PDIA6: variants seen among roughly 807,000 people sequenced by gnomAD.
PDIA6 encodes the protein protein disulfide-isomerase A6.
In PDIA6, 29 loss-of-function variants were observed where a neutral mutation model predicts 58.4. That is an observed-to-expected ratio of 0.50 (90% CI 0.37 to 0.68). The LOEUF (loss-of-function observed/expected upper bound fraction) is 0.68. Ranked by LOEUF, PDIA6 falls within the 30% of genes least tolerant of loss-of-function variation. PDIA6 has a pLI of 0.00. For synonymous variants in PDIA6, 192 were observed against 202.6 expected (o/e 0.95, Z 0.44); for missense variants, 480 against 551.0 (o/e 0.87, Z 1.29).
intron 10 of PDIA6, among the ~76,000 whole-genome samples, chr2:10,788,383 G>A (rs1348087631): frequency 6.6e-6 from 1 of 151,968 alleles, no homozygotes. Context: ...GGCCGGGTGC[G>A]GTGGCTTACA....
chr2:10,812,235 A>C (rs551998433), intron 1 of PDIA6, among the ~76,000 whole-genome samples: 16 of 152,160 alleles, frequency 1.1e-4, no homozygotes, highest in Non-Finnish European at 2.1e-4. Context: ...TAAAAGTAGG[A>C]GCTGCATAAA....
chr2:10,834,366 G>T (rs978114741), upstream of PDIA6, among the ~76,000 whole-genome samples: 1 of 152,224 alleles, frequency 6.6e-6, no homozygotes, highest in Non-Finnish European at 1.5e-5. Flanking sequence ...TTCTGGACAC[G>T]TGTGCCCTTC....
At chr2:10,797,843 T>C (rs1666335415) in intron 2 of PDIA6, 86 bp from the exon 3 acceptor site, 1 of 1,060,660 alleles carries the variant, frequency 9.4e-7, no homozygotes. Context: ...AAAAACCCCA[T>C]CAATGGTCTA....
At chr2:10,835,155 T>C (rs377060094), upstream of PDIA6, among the ~76,000 whole-genome samples, 47 of 152,216 alleles carry the variant, frequency 3.1e-4, 2 homozygotes, top group South Asian at 8.3e-3. Context: ...CGCCTGTGTG[T>C]GTACTGTGGC....
At chr2:10,798,767 G>A (rs932131705) in intron 2 of PDIA6, among the ~76,000 whole-genome samples, 3 of 152,286 alleles carry the variant, frequency 2.0e-5, no homozygotes, top group African/African-American at 7.2e-5. Flanking sequence ...TGGAAGAAGT[G>A]CATTTTATTA....
upstream of PDIA6, among the ~76,000 whole-genome samples, chr2:10,817,251 G>A (rs1385408780): frequency 1.3e-5 from 2 of 152,204 alleles, no homozygotes; most frequent in Non-Finnish European, 2.9e-5. Flanking sequence ...AGTACTTTAT[G>A]TTATTAGCAG....
At position 10,783,510 on chromosome 2, in the gene PDIA6, T is replaced by TGGTAGTA; in HGVS notation, c.*747_*748insTACTACC. On this transcript the variant is annotated 3_prime_UTR_variant, in exon 13 of 13. Coordinates refer to ENST00000272227, the MANE Select transcript of PDIA6 (RefSeq NM_005742.4). Reference sequence around the variant, plus strand: ...TTTTACATAAATGCGAACTACCTGTTCGCATTGGTAACCTGCTGCTGTATT... The same window carrying TGGTAGTA: ...TTTTACATAAATGCGAACTACCTGTTGGTAGTACGCATTGGTAACCTGCTGCTGTATT... 2.6e-6 allele frequency: 1 copy of TGGTAGTA among 387,752 alleles called. No individual in the cohort carries two copies. The highest frequency in any genetic ancestry group is 4.7e-6 in the Non-Finnish European group (1 of 211,330). 24.0% of individuals were successfully genotyped at this position (387,752 alleles called of 1,614,324 possible).
chr2:10,812,679 G>T lies in PDIA6; in HGVS notation c.18C>A (p.Leu6=). 1 of 1,534,452 alleles carries T rather than the reference G, an allele frequency of 6.5e-7. No homozygotes were observed. The change falls in exon 1 of 13, where the codon CTC becomes CTA. Residue 6 remains leucine, a splice_region_variant and synonymous_variant. Transcript: ENST00000272227. ...CTCCCTCCGCTGGCCCGCACCTACC[G>T]AGCACCAGGAGAGCCATGCCGAGCG... MALLV[L]GLVSCTFFLA...
upstream of PDIA6, among the ~76,000 whole-genome samples, chr2:10,833,432 C>G (rs1369160588): frequency 1.3e-5 from 2 of 152,218 alleles, no homozygotes; most frequent in African/African-American, 4.8e-5. Flanking sequence ...TGTCCCCACC[C>G]CCTCTGGGGG....
chr2:10,801,997 A>T (rs542977008), intron 2 of PDIA6, among the ~76,000 whole-genome samples: 1 of 152,024 alleles, frequency 6.6e-6, no homozygotes, highest in East Asian at 1.9e-4. Context: ...CACAGTTTCC[A>T]CTCTTCTATT....
chr2:10,816,635 G>T (rs1277704577), upstream of PDIA6, among the ~76,000 whole-genome samples: 1 of 151,342 alleles, frequency 6.6e-6, no homozygotes, highest in Admixed American at 6.6e-5. Context: ...CTTGCGATTG[G>T]ACTCAAGTCA....
At position 10,807,664 on chromosome 2, in the gene PDIA6, C is replaced by T. The variant is rs1666819132; in HGVS notation, c.19+5014G>A. ...GCCATCTTAGTTACATTTTCACATG[C>T]TTGCTTCACAATTAGAATTTGGAAG... On this transcript the variant is annotated intron_variant, in intron 1 of 12. Coordinates refer to ENST00000272227, the MANE Select transcript of PDIA6 (RefSeq NM_005742.4). 2.6e-5 allele frequency among the ~76,000 whole-genome samples: 4 copies of T among 152,296 alleles called. No individual in the cohort carries two copies. In the South Asian group the frequency reaches 8.3e-4, roughly 32 times the overall value.
At chr2:10,826,156 C>T (rs1323091082) in intron 1 of PDIA6, among the ~76,000 whole-genome samples, 1 of 152,200 alleles carries the variant, frequency 6.6e-6, no homozygotes, top group Non-Finnish European at 1.5e-5. Flanking sequence ...GAAGGAAGCG[C>T]AGTGGCATGC....
At chr2:10,808,342 A>G (rs188686045) in intron 1 of PDIA6, among the ~76,000 whole-genome samples, 52 of 152,352 alleles carry the variant, frequency 3.4e-4, no homozygotes, top group African/African-American at 1.2e-3. Flanking sequence ...CAAAGAAGTC[A>G]CTGGGAGCCC....
intron 1 of PDIA6, among the ~76,000 whole-genome samples, chr2:10,830,347 A>G (rs1686484): frequency 0.31 from 46,523 of 152,164 alleles, 7,428 homozygotes; most frequent in East Asian, 0.45. Context: ...TTTTGGCTGA[A>G]TGCTTGTGTT....
intron 6 of PDIA6, 94 bp downstream of exon 6, chr2:10,791,701 G>A: frequency 9.0e-7 from 1 of 1,108,944 alleles, no homozygotes; most frequent in Non-Finnish European, 1.3e-6. Flanking sequence ...GATCTTAGTG[G>A]TGATCTATTA....
In PDIA6 at chr2:10,788,891, T is replaced by C; in HGVS notation, c.925+6A>G. ...AGCTAAGGGAAATCATTTCCGTCTG[T>C]CTTACCAGTATCAAGGATATGGGGC... is the stretch of plus-strand genomic sequence containing the variant. On this transcript the variant is annotated splice_donor_region_variant and intron_variant, in intron 9 of 12. Transcript: ENST00000272227. The C allele has an allele frequency of 6.2e-7, 1 of 1,610,326 alleles. No individual in the cohort carries two copies. The highest frequency in any genetic ancestry group is 8.5e-7 in the Non-Finnish European group (1 of 1,176,522).
chr2:10,832,877 C>T (rs991729128), upstream of PDIA6, among the ~76,000 whole-genome samples: 1 of 152,082 alleles, frequency 6.6e-6, no homozygotes, highest in African/African-American at 2.4e-5. Context: ...GGACATTTGG[C>T]GGACGCAGAA....
At chr2:10,813,223 C>A (rs1030536425), upstream of PDIA6, among the ~76,000 whole-genome samples, 2 of 152,212 alleles carry the variant, frequency 1.3e-5, no homozygotes, top group South Asian at 4.1e-4. Context: ...TTGTGCCCGA[C>A]GAATATTCCG....
Sources: allele counts gnomAD v4.1 joint callset (sites outside exome capture counted in the v4.1 genomes callset), GRCh38; gene constraint gnomAD v4.1.1; transcripts MANE v1.5; gene names NCBI Gene and HGNC (gene_info 2026-07-23, HGNC 2026-07-21).